Variants in KCNN2 observed in about 807,000 individuals in gnomAD.
KCNN2 encodes potassium calcium-activated channel subfamily N member 2, also known as small conductance calcium-activated potassium channel protein 2.
Under a neutral mutation model 55.5 loss-of-function variants are expected in KCNN2, and 24 were observed. The ratio of observed to expected loss-of-function variants is 0.43; its 90% CI spans 0.31 to 0.61. KCNN2 has a LOEUF of 0.61. Ranked by LOEUF, KCNN2 falls within the 20% of genes least tolerant of loss-of-function variation. The pLI is 0.08. For synonymous variants in KCNN2, 431 were observed against 336.1 expected (o/e 1.28, Z -3.09); for missense variants, 754 against 853.6 (o/e 0.88, Z 1.45).
At chr5:114,483,740 T>TGTGTGTGC (rs1762334101) in intron 5 of KCNN2, among the ~76,000 whole-genome samples, 1 of 151,446 alleles carries the variant, frequency 6.6e-6, no homozygotes. Flanking sequence ...TGTGTGTGTG[T>TGTGTGTGC]GTGTAAAGAT....
At chr5:114,200,680 A>C (rs1433854515) in intron 1 of KCNN2, among the ~76,000 whole-genome samples, 1 of 150,688 alleles carries the variant, frequency 6.6e-6, no homozygotes, top group Non-Finnish European at 1.5e-5. Flanking sequence ...TTTAGTAGGG[A>C]TAATTTTTTT....
At chr5:114,164,428 C>G (rs1050468932) in intron 1 of KCNN2, among the ~76,000 whole-genome samples, 1 of 152,012 alleles carries the variant, frequency 6.6e-6, no homozygotes, top group Non-Finnish European at 1.5e-5. Context: ...AAAATTTAAA[C>G]TAAATTTACT....
chr5:114,357,624 T>C (rs1324806064), upstream of KCNN2, among the ~76,000 whole-genome samples: 11 of 122,690 alleles, frequency 9.0e-5, no homozygotes, highest in Admixed American at 6.8e-4. Flanking sequence ...ACAAAGGACA[T>C]GAACTCATCA....
chr5:114,439,890 C>T (rs754941060), intron 3 of KCNN2, among the ~76,000 whole-genome samples: 2 of 152,130 alleles, frequency 1.3e-5, no homozygotes, highest in African/African-American at 4.8e-5. Flanking sequence ...GGCCTACTCA[C>T]ATATGCTTTT....
At chr5:114,121,795 G>A (rs1751835207) in intron 1 of KCNN2, among the ~76,000 whole-genome samples, 1 of 152,180 alleles carries the variant, frequency 6.6e-6, no homozygotes, top group Non-Finnish European at 1.5e-5. Context: ...GGATAAGCGA[G>A]AGACATTTCT....
intron 1 of KCNN2, among the ~76,000 whole-genome samples, chr5:114,102,861 C>T (rs556461440): frequency 1.2e-4 from 18 of 152,236 alleles, no homozygotes; most frequent in African/African-American, 4.3e-4. Flanking sequence ...AGTTTGAAGT[C>T]AGGTAGCGTG....
At chr5:114,056,908 T>C (rs1445567493) in intron 1 of KCNN2, among the ~76,000 whole-genome samples, 4 of 152,116 alleles carry the variant, frequency 2.6e-5, no homozygotes, top group Non-Finnish European at 4.4e-5. Context: ...GGGCAGAAGG[T>C]TGTGATTTTT....
chr5:114,479,588 C>G (rs949772043), intron 5 of KCNN2, among the ~76,000 whole-genome samples: 3 of 151,928 alleles, frequency 2.0e-5, no homozygotes, highest in African/African-American at 4.8e-5. Context: ...TTGTTCTGAT[C>G]GCTATGTGGC....
intron 2 of KCNN2, among the ~76,000 whole-genome samples, chr5:114,392,210 A>G (rs929307411): frequency 6.6e-6 from 1 of 152,190 alleles, no homozygotes; most frequent in Non-Finnish European, 1.5e-5. Context: ...TCATTTTATT[A>G]TTAAAATGAC....
At chr5:114,283,502 G>T (rs2150013916) in intron 2 of KCNN2, among the ~76,000 whole-genome samples, 1 of 152,104 alleles carries the variant, frequency 6.6e-6, no homozygotes, top group South Asian at 2.1e-4. Flanking sequence ...ACATTTGATG[G>T]TTTGCAAATA....
At chr5:114,398,066 C>A (rs1348064390) in intron 2 of KCNN2, among the ~76,000 whole-genome samples, 5 of 152,048 alleles carry the variant, frequency 3.3e-5, no homozygotes, top group Admixed American at 2.6e-4. Context: ...GTTTTTGTTG[C>A]AATTGCTTTT....
At chr5:114,198,816 A>G (rs1337081976) in intron 1 of KCNN2, among the ~76,000 whole-genome samples, 2 of 152,058 alleles carry the variant, frequency 1.3e-5, no homozygotes, top group East Asian at 1.9e-4. Flanking sequence ...TTGATTTATT[A>G]AAATGTGTTA....
chr5:114,307,703 G>A (rs762236796), intron 2 of KCNN2, among the ~76,000 whole-genome samples: 14 of 152,088 alleles, frequency 9.2e-5, no homozygotes, highest in African/African-American at 2.4e-4. Context: ...TTCTCTGATC[G>A]TATATAATAA....
At chr5:114,160,941 G>A (rs912075214) in intron 1 of KCNN2, among the ~76,000 whole-genome samples, 4 of 152,138 alleles carry the variant, frequency 2.6e-5, no homozygotes, top group South Asian at 2.1e-4. Flanking sequence ...ACACTGATGG[G>A]TCTTGACTCT....
chr5:114,400,350 C>T (rs10064113), intron 2 of KCNN2, among the ~76,000 whole-genome samples: 2,193 of 152,276 alleles, frequency 0.014, 57 homozygotes, highest in African/African-American at 0.05. Context: ...TCTCCATTTC[C>T]ATGACAGTCC....
intron 2 of KCNN2, among the ~76,000 whole-genome samples, chr5:114,300,439 A>C (rs1471531412): frequency 6.6e-6 from 1 of 152,206 alleles, no homozygotes; most frequent in African/African-American, 2.4e-5. Context: ...ATATTTCAAA[A>C]CATTGTCTTG....
At position 114,391,136 on chromosome 5, in the gene KCNN2, C is replaced by T. The variant is rs184150425; in HGVS notation, c.1219-13302C>T. ...ATACTTCTTTCAAAAATAGGTATAG[C>T]TGGAGTTTCTAGAGCTTTTCCCAAT... On this transcript the variant is annotated intron_variant, in intron 2 of 7. Transcript: ENST00000673685. Among the ~76,000 whole-genome samples the T allele has an allele frequency of 2.7e-3, 418 of 152,218 alleles. 2 individuals carry two copies. The highest frequency in any genetic ancestry group is 3.6e-3 in the Non-Finnish European group (248 of 68,004).
chr5:114,097,070 C>T (rs551297702), intron 1 of KCNN2, among the ~76,000 whole-genome samples: 3 of 152,294 alleles, frequency 2.0e-5, no homozygotes, highest in East Asian at 3.9e-4. Context: ...TAGGCAATTA[C>T]ACCTCTTTCC....
chr5:114,218,950 G>T (rs1754068773), intron 1 of KCNN2, among the ~76,000 whole-genome samples: 1 of 152,194 alleles, frequency 6.6e-6, no homozygotes, highest in Non-Finnish European at 1.5e-5. Context: ...ATGGGAAGGA[G>T]CATGTGAGCA....
Sources: gnomAD v4.1 joint callset for allele counts (sites outside exome capture counted in the v4.1 genomes callset) on GRCh38, gnomAD v4.1.1 for gene constraint, MANE v1.5 for transcripts, NCBI Gene and HGNC (gene_info 2026-07-23, HGNC 2026-07-21) for gene names.